GPM6A: variants seen among roughly 807,000 people sequenced by gnomAD.
GPM6A encodes glycoprotein M6A.
A neutral mutation model predicts 32.1 loss-of-function variants in GPM6A; 7 were observed. The ratio of observed to expected loss-of-function variants is 0.22; its 90% CI spans 0.12 to 0.41. GPM6A has a LOEUF of 0.41. Ranked by LOEUF, GPM6A falls within the 10% of genes least tolerant of loss-of-function variation. The pLI is 1.00. For synonymous variants in GPM6A, 130 were observed against 123.4 expected, an observed-to-expected ratio of 1.05 and a Z score of -0.35; for missense variants, 235 against 347.2, an observed-to-expected ratio of 0.68 and a Z score of 2.57.
intron 6 of GPM6A, among the ~76,000 whole-genome samples, chr4:175,636,282 A>G (rs1430030506): frequency 7.2e-6 from 1 of 138,620 alleles, no homozygotes; most frequent in Non-Finnish European, 1.6e-5. Context: ...ATATATATAT[A>G]TATATATATA....
chr4:175,888,929 A>T (rs1160255291), intron 1 of GPM6A, among the ~76,000 whole-genome samples: 4 of 152,176 alleles, frequency 2.6e-5, no homozygotes, highest in African/African-American at 9.6e-5. Context: ...GAATATTATG[A>T]TACTGCCATA....
At chr4:175,802,683 T>C (rs1734518409) in intron 1 of GPM6A, among the ~76,000 whole-genome samples, 2 of 152,252 alleles carry the variant, frequency 1.3e-5, no homozygotes, top group South Asian at 2.1e-4. Context: ...TCAATACTTA[T>C]GAATGAACAC....
At chr4:175,962,625 C>T (rs977401233) in intron 1 of GPM6A, 7 of 244,028 alleles carry the variant, frequency 2.9e-5, no homozygotes, top group Admixed American at 9.6e-5. Flanking sequence ...GATAGAAACA[C>T]GGACACCTGA....
intron 2 of GPM6A, among the ~76,000 whole-genome samples, chr4:175,693,868 C>T (rs1744429197): frequency 6.6e-6 from 1 of 152,102 alleles, no homozygotes; most frequent in African/African-American, 2.4e-5. Context: ...GTGGTTGGAT[C>T]ATAGGGGCAG....
At chr4:175,820,391 C>T (rs1319398902) in intron 1 of GPM6A, among the ~76,000 whole-genome samples, 1 of 151,576 alleles carries the variant, frequency 6.6e-6, no homozygotes, top group Non-Finnish European at 1.5e-5. Context: ...TGTATGTTGT[C>T]CTTATTATTT....
intron 1 of GPM6A, among the ~76,000 whole-genome samples, chr4:176,002,058 C>G (rs1346057314): frequency 1.3e-5 from 2 of 152,134 alleles, no homozygotes; most frequent in African/African-American, 4.8e-5. Flanking sequence ...CGCAGCCCCC[C>G]ACCCTCCCGA....
intron 1 of GPM6A, among the ~76,000 whole-genome samples, chr4:175,936,220 G>A (rs1739221607): frequency 7.2e-6 from 1 of 139,192 alleles, no homozygotes; most frequent in Admixed American, 7.6e-5. Context: ...GCAGGAGAAT[G>A]GCGTAAACCC....
At chr4:175,854,746 C>A (rs1325751810) in intron 1 of GPM6A, among the ~76,000 whole-genome samples, 1 of 152,068 alleles carries the variant, frequency 6.6e-6, no homozygotes, top group Non-Finnish European at 1.5e-5. Flanking sequence ...AACAGAGTAG[C>A]CGAGGGAATA....
intron 1 of GPM6A, among the ~76,000 whole-genome samples, chr4:175,901,379 C>A (rs971320222): frequency 2.0e-5 from 3 of 151,904 alleles, no homozygotes; most frequent in Non-Finnish European, 2.9e-5. Context: ...ATATTGCATG[C>A]CTGTATCAAA....
chr4:175,846,644 A>C (rs1271976732), intron 1 of GPM6A, among the ~76,000 whole-genome samples: 1 of 152,150 alleles, frequency 6.6e-6, no homozygotes, highest in Non-Finnish European at 1.5e-5. Context: ...ATTTTTTCTT[A>C]GCAATTAAAG....
At chr4:175,847,693 A>T (rs1736133121) in intron 1 of GPM6A, among the ~76,000 whole-genome samples, 1 of 152,272 alleles carries the variant, frequency 6.6e-6, no homozygotes, top group South Asian at 2.1e-4. Context: ...TTATTTAATT[A>T]AAAAAAGACA....
intron 3 of GPM6A, among the ~76,000 whole-genome samples, chr4:175,652,966 C>A (rs1009187473): frequency 3.9e-5 from 6 of 152,100 alleles, no homozygotes; most frequent in African/African-American, 1.2e-4. Context: ...CAAGTAGTCA[C>A]ATTTTCAAAA....
At chr4:175,824,123 C>T (rs963725616) in intron 1 of GPM6A, among the ~76,000 whole-genome samples, 2 of 152,176 alleles carry the variant, frequency 1.3e-5, no homozygotes, top group African/African-American at 4.8e-5. Flanking sequence ...ACCCGGAAAA[C>T]ATTTTCTCAA....
intron 1 of GPM6A, among the ~76,000 whole-genome samples, chr4:175,890,753 G>T (rs901671770): frequency 6.6e-6 from 1 of 151,808 alleles, no homozygotes; most frequent in Non-Finnish European, 1.5e-5. Flanking sequence ...ATGGGGTCTT[G>T]CTGTGTTGCC....
intron 2 of GPM6A, among the ~76,000 whole-genome samples, chr4:175,693,296 A>G (rs531717047): frequency 6.7e-6 from 1 of 148,204 alleles, no homozygotes; most frequent in African/African-American, 2.4e-5. Flanking sequence ...ATACATATAT[A>G]TATAAAATAT....
intron 1 of GPM6A, among the ~76,000 whole-genome samples, chr4:175,857,884 T>C (rs1736461832): frequency 6.6e-6 from 1 of 152,022 alleles, no homozygotes; most frequent in Admixed American, 6.6e-5. Context: ...GAAGAAAGAT[T>C]AAAAAAATAG....
chr4:175,903,029 G>C (rs1335743450), intron 1 of GPM6A, among the ~76,000 whole-genome samples: 1 of 152,142 alleles, frequency 6.6e-6, no homozygotes, highest in East Asian at 1.9e-4. Context: ...ATAACAGTAA[G>C]TACATCTATA....
At chr4:175,835,069 G>A (rs114557401) in intron 1 of GPM6A, among the ~76,000 whole-genome samples, 1,949 of 152,210 alleles carry the variant, frequency 0.013, 21 homozygotes, top group Non-Finnish European at 0.021. Context: ...CAGTGCTGCC[G>A]AACTTTACCA....
At chr4:175,989,562 T>C (rs1255591783) in intron 1 of GPM6A, among the ~76,000 whole-genome samples, 1 of 152,120 alleles carries the variant, frequency 6.6e-6, no homozygotes, top group Non-Finnish European at 1.5e-5. Context: ...TCATGTGATC[T>C]TTTTAAAAAA....
Sources: allele counts gnomAD v4.1 joint callset (sites outside exome capture counted in the v4.1 genomes callset), GRCh38; gene constraint gnomAD v4.1.1; transcripts MANE v1.5; gene names NCBI Gene and HGNC (gene_info 2026-07-23, HGNC 2026-07-21).